CACNB4: variants seen among roughly 807,000 people sequenced by gnomAD.
CACNB4 encodes the protein calcium voltage-gated channel auxiliary subunit beta 4.
In CACNB4, 32 loss-of-function variants were observed where a neutral mutation model predicts 71.2. That is an observed-to-expected ratio of 0.45 (90% CI 0.34 to 0.60). CACNB4 has a LOEUF of 0.60. Ranked by LOEUF, CACNB4 falls within the 20% of genes least tolerant of loss-of-function variation. The pLI, the probability that CACNB4 is intolerant of heterozygous loss-of-function variation, is 0.01. For missense variants in CACNB4, 464 were observed against 647.9 expected (o/e 0.72, Z 3.08); for synonymous variants, 231 against 236.9 (o/e 0.97, Z 0.23).
chr2:152,048,249 A>T (rs1037537470), intron 2 of CACNB4, among the ~76,000 whole-genome samples: 2 of 152,094 alleles, frequency 1.3e-5, no homozygotes, highest in Non-Finnish European at 2.9e-5. Context: ...ACATTACCAA[A>T]AGTTCCCTGG....
chr2:151,994,939 G>C (rs866144069), intron 2 of CACNB4, among the ~76,000 whole-genome samples: 1 of 152,000 alleles, frequency 6.6e-6, no homozygotes, highest in African/African-American at 2.4e-5. Flanking sequence ...TAGCTGCCTT[G>C]TCAATTCTTG....
At chr2:151,943,896 G>T (rs752607798) in intron 2 of CACNB4, among the ~76,000 whole-genome samples, 1 of 152,182 alleles carries the variant, frequency 6.6e-6, no homozygotes, top group Non-Finnish European at 1.5e-5. Flanking sequence ...ATTCAAGAAA[G>T]AACTTTCTGA....
At chr2:152,074,918 C>T (rs1028130554) in intron 2 of CACNB4, among the ~76,000 whole-genome samples, 6 of 152,300 alleles carry the variant, frequency 3.9e-5, no homozygotes, top group Non-Finnish European at 2.9e-5. Flanking sequence ...ACCACCCTCA[C>T]TGCCATCACC....
In CACNB4 at chr2:151,836,583, A is replaced by C. The variant is rs2099834948; in HGVS notation, c.*2536T>G. ...ATAAAATATACATTATACCCTTTCC[A>C]AGATTGTCAGCTTTTGAATAAGAAT... is the stretch of plus-strand genomic sequence containing the variant. On this transcript the variant is annotated 3_prime_UTR_variant, in exon 14 of 14. Transcript: ENST00000539935. 1 of 151,938 alleles carries C rather than the reference A, an allele frequency of 6.6e-6. No individual in the cohort carries two copies. The highest frequency in any genetic ancestry group is 1.5e-5 in the Non-Finnish European group (1 of 67,818). The allele number at this position is 151,938 out of a possible 1,614,324, so 9.4% of individuals were successfully genotyped here.
Position 152,098,603 on chromosome 2 carries a change from GA to G in CACNB4, c.64-191del. On this transcript the variant is annotated intron_variant, in intron 1 of 13. Coordinates refer to ENST00000539935, the MANE Select transcript of CACNB4 (RefSeq NM_000726.5). The surrounding 1 kb of genome is among the most constrained non-coding windows in gnomAD (Gnocchi z 5.3). ...CCACCCACTGCAAGCCTCGACTGCT[GA>G]AAAGATGCTCGAGAAGAGCAGCCCG... The G allele has an allele frequency of 2.1e-6, 3 of 1,403,602 alleles. No homozygotes were observed. Among genetic ancestry groups the G allele is most frequent in the Non-Finnish European group, 3.0e-6 (3 of 1,010,258 alleles). The allele number at this position is 1,403,602 out of a possible 1,614,324, so 86.9% of individuals were successfully genotyped here. A position where few individuals can be genotyped will look rare whatever the true frequency, so the allele number is the denominator to read the frequency against.
chr2:151,858,674 C>T (rs1578489902), intron 10 of CACNB4: 1 of 152,158 alleles, frequency 6.6e-6, no homozygotes, highest in African/African-American at 2.4e-5. Flanking sequence ...ATTAGAACCC[C>T]AACACATTGG....
rs2151340018 is a variant in CACNB4, at chr2:151,849,982, G to A, written c.1116+3466C>T. Among the ~76,000 whole-genome samples, 2 of 152,272 alleles carry A rather than the reference G, an allele frequency of 1.3e-5. 1 individual carries two copies. Among genetic ancestry groups the A allele is most frequent in the Middle Eastern group, 6.8e-3 (2 of 294 alleles). ...GTTTGCTTTCCTGCTCGAGAGCAGA[G>A]ATGAGTAGTTTTGCAAAGGAGTCTA... On this transcript the variant is annotated intron_variant, in intron 12 of 13. Coordinates refer to ENST00000539935, the MANE Select transcript of CACNB4 (RefSeq NM_000726.5).
At chr2:151,916,191 T>C (rs1453704537) in intron 2 of CACNB4, among the ~76,000 whole-genome samples, 1 of 152,236 alleles carries the variant, frequency 6.6e-6, no homozygotes, top group East Asian at 1.9e-4. Flanking sequence ...TAGTCAGCCA[T>C]CTTGGCCCCA....
At position 151,839,165 on chromosome 2, in the gene CACNB4, C is replaced by T. The variant is rs775115799; in HGVS notation, c.1517G>A (p.Arg506Gln). ...ATGGCTATATCCCCCAGGTGATCCT[C>T]GGTTCCTATGGGGTTTGTAAGTGTC... Reference protein sequence around the residue: ...YQDTYKPHRNRGSPGGYSHDS... With the variant: ...YQDTYKPHRNQGSPGGYSHDS... Residue 506 changes from arginine to glutamine, a missense_variant, in exon 14 of 14, where the codon CGA becomes CAA. By Grantham distance (43) the Arg-to-Gln change is conservative. Coordinates refer to ENST00000539935, the MANE Select transcript of CACNB4 (RefSeq NM_000726.5). The T allele has an allele frequency of 1.3e-5, 21 of 1,613,236 alleles. No homozygotes were observed. The highest frequency in any genetic ancestry group is 8.9e-5 in the East Asian group (4 of 44,886).
intron 2 of CACNB4, among the ~76,000 whole-genome samples, chr2:152,029,504 AAAAAAAAGAAAAG>A (rs1173978441): frequency 1.8e-3 from 207 of 117,196 alleles, no homozygotes; most frequent in African/African-American, 4.8e-3. Context: ...AAAAAAAAAA[AAAAAAAAGAAAAG>A]AAAAGAAAAG....
At chr2:151,902,651 T>A (rs1401152349) in intron 2 of CACNB4, among the ~76,000 whole-genome samples, 1 of 152,164 alleles carries the variant, frequency 6.6e-6, no homozygotes, top group Admixed American at 6.6e-5. Flanking sequence ...AGCTCAGTTC[T>A]AGCTTTCTTC....
At chr2:151,868,106 C>T (rs6744905) in intron 9 of CACNB4, 1 of 152,066 alleles carries the variant, frequency 6.6e-6, no homozygotes, top group Non-Finnish European at 1.5e-5. Flanking sequence ...TTTATTTTAA[C>T]AAATGCATAC....
intron 2 of CACNB4, among the ~76,000 whole-genome samples, chr2:151,939,866 G>A (rs1456025857): frequency 6.6e-6 from 1 of 151,690 alleles, no homozygotes; most frequent in South Asian, 2.1e-4. Context: ...AAGGAATTAA[G>A]AAACAAATAT....
intron 2 of CACNB4, among the ~76,000 whole-genome samples, chr2:151,937,807 A>C (rs965048946): frequency 3.3e-5 from 5 of 152,188 alleles, no homozygotes; most frequent in African/African-American, 1.2e-4. Flanking sequence ...ATTGGCACAC[A>C]TGATCACTAA....
chr2:151,881,767 A>G (rs2099847919), intron 3 of CACNB4, among the ~76,000 whole-genome samples: 1 of 152,044 alleles, frequency 6.6e-6, no homozygotes, highest in Non-Finnish European at 1.5e-5. Context: ...AACCTCACTG[A>G]TGTCCCTTCA....
intron 2 of CACNB4, among the ~76,000 whole-genome samples, chr2:152,009,884 T>C (rs1280246474): frequency 6.6e-6 from 1 of 152,152 alleles, no homozygotes; most frequent in Non-Finnish European, 1.5e-5. Flanking sequence ...TAAAAAGGCG[T>C]CAAGAAACTG....
chr2:152,058,852 TG>T (rs1436459484), intron 2 of CACNB4, among the ~76,000 whole-genome samples: 1 of 152,148 alleles, frequency 6.6e-6, no homozygotes, highest in African/African-American at 2.4e-5. Context: ...GAGGGAAAAA[TG>T]GTTTCATGGG....
intron 2 of CACNB4, among the ~76,000 whole-genome samples, chr2:152,050,566 G>T (rs1420715418): frequency 6.6e-6 from 1 of 152,084 alleles, no homozygotes; most frequent in Non-Finnish European, 1.5e-5. Flanking sequence ...AAAGGAAAAT[G>T]CAAGACCAGT....
intron 2 of CACNB4, among the ~76,000 whole-genome samples, chr2:151,993,563 CTTTTT>C (rs70974814): frequency 2.6e-5 from 3 of 116,704 alleles, no homozygotes; most frequent in African/African-American, 3.1e-5. Flanking sequence ...TTGGGGAGCA[CTTTTT>C]TTTTTTTTTT....
Sources: allele counts gnomAD v4.1 joint callset (sites outside exome capture counted in the v4.1 genomes callset), GRCh38; gene constraint gnomAD v4.1.1; non-coding constraint Gnocchi (gnomAD v3.1); transcripts MANE v1.5; gene names NCBI Gene and HGNC (gene_info 2026-07-23, HGNC 2026-07-21).